Variants in SNX18 observed in about 807,000 individuals in gnomAD.
SNX18 encodes sorting nexin 18, also known as sorting nexin-18.
SNX18 carries 35 observed loss-of-function variants against 48.7 expected under a neutral mutation model. The ratio of observed to expected loss-of-function variants is 0.72; its 90% CI spans 0.55 to 0.95. The LOEUF is 0.95. SNX18 is among the 40% of genes least tolerant of loss of function. SNX18 has a pLI of 0.00. For missense variants in SNX18, 824 were observed against 871.0 expected (o/e 0.95, Z 0.68); for synonymous variants, 492 against 384.7 (o/e 1.28, Z -3.26).
chr5:54,532,652 C>T (rs1762270352), intron 1 of SNX18, among the ~76,000 whole-genome samples: 1 of 152,168 alleles, frequency 6.6e-6, no homozygotes, highest in Admixed American at 6.5e-5. Flanking sequence ...CCCAAAAACA[C>T]TTCTCAAATA....
chr5:54,567,353 G>A, the SNX18 span, among the ~76,000 whole-genome samples: 30 of 152,012 alleles, frequency 2.0e-4, no homozygotes, highest in East Asian at 5.4e-3. Context: ...GTTGGTGAGA[G>A]GTGGAGCGTG....
At chr5:54,623,616 A>G in the SNX18 span, among the ~76,000 whole-genome samples, 13 of 152,166 alleles carry the variant, frequency 8.5e-5, no homozygotes, top group African/African-American at 2.7e-4. Context: ...CTCTATTCAC[A>G]GCCAAGTCTT....
At chr5:54,548,868 G>C (rs548414413), downstream of SNX18, among the ~76,000 whole-genome samples, 87 of 152,218 alleles carry the variant, frequency 5.7e-4, 1 homozygote, top group Non-Finnish European at 1.8e-4. Flanking sequence ...CCCACTCCCT[G>C]CAGATAACAA....
chr5:54,591,006 C>G, the SNX18 span, among the ~76,000 whole-genome samples: 2 of 151,954 alleles, frequency 1.3e-5, no homozygotes, highest in Admixed American at 1.3e-4. Flanking sequence ...CCTCCCCATC[C>G]CCCCTCACTT....
the SNX18 span, among the ~76,000 whole-genome samples, chr5:54,608,637 A>G: frequency 6.6e-6 from 1 of 152,234 alleles, no homozygotes; most frequent in Admixed American, 6.5e-5. Context: ...TTATGAAATC[A>G]GTGTTGAAAT....
the SNX18 span, among the ~76,000 whole-genome samples, chr5:54,616,160 G>A: frequency 0.028 from 4,307 of 152,250 alleles, 216 homozygotes; most frequent in African/African-American, 0.097. Flanking sequence ...GTTAACAAGC[G>A]TCTGTGTATG....
chr5:54,595,625 T>G, the SNX18 span, among the ~76,000 whole-genome samples: 1 of 152,200 alleles, frequency 6.6e-6, no homozygotes, highest in Non-Finnish European at 1.5e-5. Context: ...CATTCCCTTC[T>G]CTCTGCAGCC....
chr5:54,607,748 C>T, the SNX18 span, among the ~76,000 whole-genome samples: 1 of 152,058 alleles, frequency 6.6e-6, no homozygotes, highest in Non-Finnish European at 1.5e-5. Flanking sequence ...GCCTGGACAA[C>T]ATAGCAAAGC....
the SNX18 span, among the ~76,000 whole-genome samples, chr5:54,636,440 A>T: frequency 6.6e-6 from 1 of 152,268 alleles, no homozygotes; most frequent in East Asian, 1.9e-4. Context: ...GTGAAAAAAA[A>T]AATTGAGTTG....
Position 54,546,125 on chromosome 5 carries a change from C to T in SNX18, c.*2693C>T, listed in dbSNP as rs1231953257. The T allele has an allele frequency of 2.0e-5, 3 of 152,098 alleles. No homozygotes were observed. Among genetic ancestry groups the T allele is most frequent in the African/African-American group, 7.2e-5 (3 of 41,400 alleles). The allele number at this position is 152,098 out of a possible 1,614,324, so 9.4% of individuals were successfully genotyped here. A position where few individuals can be genotyped will look rare whatever the true frequency, so the allele number is the denominator to read the frequency against. On this transcript the variant is annotated 3_prime_UTR_variant, in exon 2 of 2. Coordinates refer to ENST00000381410, the MANE Select transcript of SNX18 (RefSeq NM_001102575.2). ...AAAAGTGAAATGTAAAGCCAGTGCA[C>T]GAATATTATAGTAATTGAGATTTTC...
chr5:54,590,882 G>A, the SNX18 span, among the ~76,000 whole-genome samples: 353 of 152,198 alleles, frequency 2.3e-3, 3 homozygotes, highest in African/African-American at 7.9e-3. Context: ...CCTGCCTGAC[G>A]CTCGCCACTT....
At chr5:54,586,278 A>G in the SNX18 span, among the ~76,000 whole-genome samples, 1 of 152,150 alleles carries the variant, frequency 6.6e-6, no homozygotes, top group Non-Finnish European at 1.5e-5. Flanking sequence ...TCTCCTGTGT[A>G]TTATATCCTC....
chr5:54,537,768 G>A (rs2564998), intron 1 of SNX18, among the ~76,000 whole-genome samples: 108,510 of 152,098 alleles, frequency 0.71, 38,912 homozygotes, highest in Middle Eastern at 0.74. Context: ...ATTCCATCAT[G>A]AAAAATGTGT....
At chr5:54,609,272 C>T in the SNX18 span, among the ~76,000 whole-genome samples, 1 of 152,088 alleles carries the variant, frequency 6.6e-6, no homozygotes, top group Non-Finnish European at 1.5e-5. Context: ...TTTAAAACCA[C>T]ACATGGATAT....
At chr5:54,519,773 A>G (rs1233025285) in intron 1 of SNX18, 200 bp downstream of exon 1, 4 of 1,614,130 alleles carry the variant, frequency 2.5e-6, no homozygotes, top group South Asian at 2.2e-5. Flanking sequence ...AGTATCTTGC[A>G]TTAGGGAATG....
At chr5:54,633,889 T>A in the SNX18 span, among the ~76,000 whole-genome samples, 12,910 of 152,220 alleles carry the variant, frequency 0.085, 626 homozygotes, top group African/African-American at 0.13. Flanking sequence ...GAGCTATTCA[T>A]CTTGTTGGGA....
the SNX18 span, among the ~76,000 whole-genome samples, chr5:54,631,991 C>G: frequency 1.3e-5 from 2 of 152,212 alleles, no homozygotes; most frequent in Non-Finnish European, 2.9e-5. Context: ...CCACCCCCTG[C>G]ACCTCTTCTA....
chr5:54,579,299 C>T, the SNX18 span, among the ~76,000 whole-genome samples: 7 of 151,186 alleles, frequency 4.6e-5, no homozygotes, highest in Non-Finnish European at 8.8e-5. Context: ...GCCAAGATTG[C>T]ACCACTGCCC....
At chr5:54,607,681 T>G in the SNX18 span, among the ~76,000 whole-genome samples, 1 of 152,094 alleles carries the variant, frequency 6.6e-6, no homozygotes, top group Non-Finnish European at 1.5e-5. Context: ...GCCTGTAGTC[T>G]CAGCACTCTG....
Sources: gnomAD v4.1 joint callset for allele counts (sites outside exome capture counted in the v4.1 genomes callset) on GRCh38, gnomAD v4.1.1 for gene constraint, MANE v1.5 for transcripts, NCBI Gene and HGNC (gene_info 2026-07-23, HGNC 2026-07-21) for gene names.